ZFHX3: variants seen among roughly 807,000 people sequenced by gnomAD.
ZFHX3 encodes zinc finger homeobox 3.
Under a neutral mutation model 279.1 loss-of-function variants are expected in ZFHX3, and 42 were observed. That is an observed-to-expected ratio of 0.15 (90% confidence interval 0.12 to 0.19). The LOEUF (loss-of-function observed/expected upper bound fraction) is 0.19. ZFHX3 is among the 10% of genes least tolerant of loss of function. The pLI, the probability that ZFHX3 is intolerant of heterozygous loss-of-function variation, is 1.00. For synonymous variants in ZFHX3, 2,293 were observed against 1,957.8 expected, an observed-to-expected ratio of 1.17 and a Z score of -4.52; for missense variants, 4,981 against 4,754.0, an observed-to-expected ratio of 1.05 and a Z score of -1.40.
intron 1 of ZFHX3, among the ~76,000 whole-genome samples, chr16:73,016,487 T>A (rs1964108414): frequency 6.6e-6 from 1 of 152,108 alleles, no homozygotes; most frequent in African/African-American, 2.4e-5. Context: ...CCAAGAAGGG[T>A]AATTCAAGCA....
intron 3 of ZFHX3, among the ~76,000 whole-genome samples, chr16:73,412,273 G>A (rs917284967): frequency 6.1e-5 from 9 of 148,218 alleles, no homozygotes; most frequent in Admixed American, 5.5e-4. Flanking sequence ...GCTACAGTGA[G>A]CCATAATCAC....
intron 1 of ZFHX3, among the ~76,000 whole-genome samples, chr16:73,020,022 G>A (rs879906044): frequency 1.3e-5 from 2 of 151,994 alleles, no homozygotes; most frequent in Non-Finnish European, 1.5e-5. Context: ...CGTTATCATC[G>A]CTGAAAGACA....
At chr16:73,113,778 ACT>A (rs992735637) in intron 7 of ZFHX3, among the ~76,000 whole-genome samples, 9 of 124,990 alleles carry the variant, frequency 7.2e-5, no homozygotes, top group Non-Finnish European at 1.6e-4. Flanking sequence ...CATGACCAAG[ACT>A]CTTTTTTGGA....
At chr16:73,873,077 T>C (rs995785681) in intron 1 of ZFHX3, among the ~76,000 whole-genome samples, 1 of 20,988 alleles carries the variant, frequency 4.8e-5, no homozygotes, top group Non-Finnish European at 8.2e-5. Context: ...CGGATGGTGG[T>C]GGTGGTGGGT....
At chr16:73,570,066 G>T (rs558484294) in intron 2 of ZFHX3, among the ~76,000 whole-genome samples, 14 of 152,060 alleles carry the variant, frequency 9.2e-5, no homozygotes, top group African/African-American at 3.4e-4. Flanking sequence ...GACACTTCCC[G>T]GGTATACATT....
intron 2 of ZFHX3, among the ~76,000 whole-genome samples, chr16:73,591,753 C>G (rs2052001887): frequency 7.4e-6 from 1 of 134,286 alleles, no homozygotes; most frequent in African/African-American, 2.8e-5. Flanking sequence ...GGGGAATCTA[C>G]AGATCAAAAG....
chr16:73,065,113 G>A (rs921439074), intron 8 of ZFHX3, among the ~76,000 whole-genome samples: 2 of 152,244 alleles, frequency 1.3e-5, no homozygotes, highest in East Asian at 1.9e-4. Context: ...AGGAAAAAAG[G>A]AAACCCTGCG....
intron 5 of ZFHX3, among the ~76,000 whole-genome samples, chr16:73,209,745 A>G (rs2011942481): frequency 6.6e-6 from 1 of 152,194 alleles, no homozygotes; most frequent in South Asian, 2.1e-4. Flanking sequence ...ATCTTTTGCA[A>G]TATTATACAT....
intron 3 of ZFHX3, among the ~76,000 whole-genome samples, chr16:73,408,535 C>G (rs959954016): frequency 6.6e-6 from 1 of 152,146 alleles, no homozygotes; most frequent in Admixed American, 6.5e-5. Flanking sequence ...GCTGGAAGTG[C>G]TGCAGTTCCA....
intron 3 of ZFHX3, among the ~76,000 whole-genome samples, chr16:73,373,764 C>T (rs2016674570): frequency 6.6e-6 from 1 of 152,142 alleles, no homozygotes; most frequent in Non-Finnish European, 1.5e-5. Context: ...TTCACAAACT[C>T]CCATCTCTGA....
chr16:73,816,617 T>C (rs1960579569), intron 1 of ZFHX3, among the ~76,000 whole-genome samples: 1 of 134,300 alleles, frequency 7.4e-6, no homozygotes, highest in Non-Finnish European at 1.6e-5. Flanking sequence ...ACAAAGAAGA[T>C]TTTAAAAGAG....
At chr16:73,865,788 G>C (rs1217335373) in intron 1 of ZFHX3, among the ~76,000 whole-genome samples, 2 of 151,288 alleles carry the variant, frequency 1.3e-5, no homozygotes, top group African/African-American at 4.9e-5. Context: ...GACCATCCTG[G>C]CTAACATGGT....
rs553010772 is a variant in ZFHX3 at position 73,393,380 on chromosome 16, G to A, written c.-1291+62623C>T. Among the ~76,000 whole-genome samples the A allele has an allele frequency of 6.6e-4, 100 of 152,270 alleles. 1 individual carries two copies. Among genetic ancestry groups the A allele is most frequent in the Admixed American group, 1.8e-3 (27 of 15,288 alleles). On this transcript the variant is annotated intron_variant, in intron 3 of 17. Transcript: ENST00000641206. ...CCATGATCACTGACAGTATTTTACC[G>A]TTCCTGATACTGCAGTTCCTGGTCC... is the stretch of plus-strand genomic sequence containing the variant.
At chr16:72,875,424 T>C (rs1369698802) in intron 4 of ZFHX3, among the ~76,000 whole-genome samples, 1 of 152,198 alleles carries the variant, frequency 6.6e-6, no homozygotes, top group African/African-American at 2.4e-5. Flanking sequence ...ACAGCCCAGA[T>C]GCCCCGGGAA....
At chr16:72,863,848 T>A (rs1397618307) in intron 4 of ZFHX3, among the ~76,000 whole-genome samples, 7 of 152,256 alleles carry the variant, frequency 4.6e-5, no homozygotes, top group Non-Finnish European at 8.8e-5. Context: ...TTCATTTTTT[T>A]AAAAAAGTTC....
At chr16:73,244,367 C>A (rs538706436) in intron 5 of ZFHX3, among the ~76,000 whole-genome samples, 3 of 152,272 alleles carry the variant, frequency 2.0e-5, no homozygotes, top group Admixed American at 2.0e-4. Flanking sequence ...CCTCCATCCT[C>A]CAAGCCACAT....
At chr16:73,778,609 T>C (rs1476501423) in intron 1 of ZFHX3, among the ~76,000 whole-genome samples, 1 of 152,208 alleles carries the variant, frequency 6.6e-6, no homozygotes, top group Non-Finnish European at 1.5e-5. Context: ...CACTGGTGCA[T>C]TTGCTTATTA....
chr16:73,381,678 T>C (rs532031179), intron 3 of ZFHX3, among the ~76,000 whole-genome samples: 1 of 152,342 alleles, frequency 6.6e-6, no homozygotes, highest in South Asian at 2.1e-4. Context: ...ATCCAATCTT[T>C]TGGCTTCCCT....
chr16:73,578,708 G>A (rs1164647353), intron 2 of ZFHX3, among the ~76,000 whole-genome samples: 1 of 151,970 alleles, frequency 6.6e-6, no homozygotes. Context: ...TTTGACTGAG[G>A]CAAATGCATT....
Sources: gnomAD v4.1 joint callset for allele counts (sites outside exome capture counted in the v4.1 genomes callset) on GRCh38, gnomAD v4.1.1 for gene constraint, MANE v1.5 for transcripts, NCBI Gene and HGNC (gene_info 2026-07-23, HGNC 2026-07-21) for gene names.